RASA1: variants seen among roughly 807,000 people sequenced by gnomAD.
RASA1 encodes ras GTPase-activating protein 1.
RASA1 carries 25 observed loss-of-function variants against 132.2 expected under a neutral mutation model. That is an observed-to-expected ratio of 0.19 (90% CI 0.14 to 0.26). The LOEUF is 0.26. Among genes scored for constraint, RASA1 ranks in the 10% least tolerant of loss-of-function variants. The pLI is 1.00. For missense variants in RASA1, 964 were observed against 1,299.2 expected, an observed-to-expected ratio of 0.74 and a Z score of 3.97; for synonymous variants, 477 against 449.9, an observed-to-expected ratio of 1.06 and a Z score of -0.76.
intron 5 of RASA1, among the ~76,000 whole-genome samples, chr5:87,340,661 A>G (rs755568201): frequency 4.6e-5 from 7 of 152,164 alleles, no homozygotes; most frequent in Non-Finnish European, 8.8e-5. Flanking sequence ...TGAAAGTAGA[A>G]GTTGATGTTC....
chr5:87,305,709 T>C (rs780845448), intron 1 of RASA1, among the ~76,000 whole-genome samples: 2 of 152,140 alleles, frequency 1.3e-5, no homozygotes, highest in Non-Finnish European at 2.9e-5. Context: ...ACCCACAGAA[T>C]GGGAGAAAAT....
intron 11 of RASA1, among the ~76,000 whole-genome samples, chr5:87,369,099 A>G (rs557018520): frequency 2.6e-5 from 4 of 152,308 alleles, no homozygotes; most frequent in African/African-American, 9.6e-5. Context: ...GCATGATATA[A>G]AATCTTTAAA....
intron 1 of RASA1, among the ~76,000 whole-genome samples, chr5:87,287,775 CATATATGTACACGCCAT>C (rs1754712980): frequency 1.8e-5 from 1 of 57,062 alleles, no homozygotes; most frequent in African/African-American, 7.0e-5. Flanking sequence ...ATAGATATAC[CATATATGTACACGCCAT>C]ATATATACAC....
chr5:87,314,088 G>A lies in RASA1; in HGVS notation c.540-17260G>A, dbSNP rs184374928. On this transcript the variant is annotated intron_variant, in intron 1 of 24. Coordinates refer to ENST00000274376, the MANE Select transcript of RASA1 (RefSeq NM_002890.3). ...GGAGGCTGAGGCAGGCAGGAGAATC[G>A]CTTGAACCCGGGACGTGGAGGTTGC... Among the ~76,000 whole-genome samples the A allele has an allele frequency of 4.6e-5, 7 of 152,168 alleles. No homozygotes were observed. The East Asian group carries it at 9.6e-4, about 21-fold the overall frequency.
chr5:87,335,168 C>T (rs1757873883), intron 4 of RASA1, among the ~76,000 whole-genome samples: 1 of 152,140 alleles, frequency 6.6e-6, no homozygotes, highest in Non-Finnish European at 1.5e-5. Flanking sequence ...GGGCATGAGC[C>T]ACTGCACCTG....
At chr5:87,382,402 C>T (rs1373738705) in intron 20 of RASA1, among the ~76,000 whole-genome samples, 1 of 152,128 alleles carries the variant, frequency 6.6e-6, no homozygotes, top group South Asian at 2.1e-4. Context: ...ATCTATTAAT[C>T]TATAGAAGGA....
chr5:87,387,037 T>C (rs1014016046), intron 23 of RASA1, 134 bp downstream of exon 23: 3 of 776,204 alleles, frequency 3.9e-6, no homozygotes, highest in Non-Finnish European at 6.3e-6. Flanking sequence ...AATTTTTGTC[T>C]GCCTTCCTAA....
chr5:87,371,230 C>T (rs770098353), intron 12 of RASA1, among the ~76,000 whole-genome samples: 34 of 151,808 alleles, frequency 2.2e-4, no homozygotes, highest in South Asian at 1.0e-3. Flanking sequence ...AATGGTATTT[C>T]CAGTTTTTGT....
At chr5:87,316,825 A>G (rs1404299157) in intron 1 of RASA1, among the ~76,000 whole-genome samples, 3 of 152,170 alleles carry the variant, frequency 2.0e-5, no homozygotes, top group Non-Finnish European at 1.5e-5. Flanking sequence ...AAGCGGCTCT[A>G]AAGTGCCAAG....
At chr5:87,375,007 A>G in intron 15 of RASA1, 91 bp downstream of exon 15, 3 of 1,465,652 alleles carry the variant, frequency 2.0e-6, no homozygotes, top group Non-Finnish European at 2.7e-6. Context: ...AGAAATTAAA[A>G]AAACAGAAAT....
chr5:87,319,821 CA>C (rs1756646106), intron 1 of RASA1, among the ~76,000 whole-genome samples: 1 of 152,202 alleles, frequency 6.6e-6, no homozygotes, highest in South Asian at 2.1e-4. Flanking sequence ...TTTCTCCCCC[CA>C]AAATGGGTTT....
chr5:87,357,551 A>G (rs866973473), intron 9 of RASA1, among the ~76,000 whole-genome samples: 15 of 152,242 alleles, frequency 9.9e-5, no homozygotes, highest in Middle Eastern at 3.4e-3. Flanking sequence ...TAAAAATACA[A>G]AAAATTAGCT....
intron 9 of RASA1, among the ~76,000 whole-genome samples, chr5:87,358,241 C>CA (rs1759800560): frequency 6.6e-6 from 1 of 152,070 alleles, no homozygotes. Flanking sequence ...AAGCATTAGA[C>CA]AAAAAGGGTC....
chr5:87,361,497 T>TA (rs1165016155), intron 9 of RASA1, among the ~76,000 whole-genome samples: 3 of 152,120 alleles, frequency 2.0e-5, no homozygotes, highest in Non-Finnish European at 4.4e-5. Context: ...CTAAAAGTCA[T>TA]AAAATATGAA....
chr5:87,322,420 GT>G (rs1442812530), intron 1 of RASA1, among the ~76,000 whole-genome samples: 6 of 152,302 alleles, frequency 3.9e-5, no homozygotes, highest in South Asian at 4.1e-4. Context: ...AGCTGAAACA[GT>G]TTCATCCTGA....
At chr5:87,272,337 A>G (rs1753881692) in intron 1 of RASA1, among the ~76,000 whole-genome samples, 1 of 152,142 alleles carries the variant, frequency 6.6e-6, no homozygotes, top group African/African-American at 2.4e-5. Context: ...GAGAAGTACA[A>G]ATTTCCTTCT....
At chr5:87,272,929 A>G (rs1753911055) in intron 1 of RASA1, among the ~76,000 whole-genome samples, 1 of 152,198 alleles carries the variant, frequency 6.6e-6, no homozygotes, top group African/African-American at 2.4e-5. Context: ...TATCTTTTGT[A>G]AAAGTATTGA....
chr5:87,338,658 C>T (rs912748775), intron 5 of RASA1, among the ~76,000 whole-genome samples: 1 of 150,366 alleles, frequency 6.7e-6, no homozygotes, highest in East Asian at 1.9e-4. Flanking sequence ...AGGCATGAGC[C>T]ACAGTGCCCG....
intron 1 of RASA1, among the ~76,000 whole-genome samples, chr5:87,312,566 G>A (rs999097539): frequency 2.0e-5 from 3 of 152,078 alleles, no homozygotes; most frequent in Admixed American, 1.3e-4. Context: ...ACATCTGAAC[G>A]GGCCTAGAGA....
Sources: gnomAD v4.1 joint callset for allele counts (sites outside exome capture counted in the v4.1 genomes callset) on GRCh38, gnomAD v4.1.1 for gene constraint, MANE v1.5 for transcripts, NCBI Gene and HGNC (gene_info 2026-07-23, HGNC 2026-07-21) for gene names.